The following C8orf34 variants were observed in gnomAD, a reference collection of about 807,000 sequenced individuals.
C8orf34 encodes chromosome 8 open reading frame 34, also known as uncharacterized protein C8orf34.
C8orf34 carries 65 observed loss-of-function variants against 68.3 expected under a neutral mutation model. The ratio of observed to expected loss-of-function variants is 0.95; its 90% CI spans 0.78 to 1.17. C8orf34 has a LOEUF of 1.17. Among genes scored for constraint, C8orf34 ranks in the 50% most tolerant of loss-of-function variants. The pLI is 0.00. For synonymous variants in C8orf34, 244 were observed against 241.2 expected, an observed-to-expected ratio of 1.01 and a Z score of -0.11; for missense variants, 664 against 655.4, an observed-to-expected ratio of 1.01 and a Z score of -0.14.
At chr8:68,679,410 A>G (rs1032139328) in intron 8 of C8orf34, among the ~76,000 whole-genome samples, 10 of 152,290 alleles carry the variant, frequency 6.6e-5, no homozygotes, top group African/African-American at 2.4e-4. Context: ...TAAAACACTG[A>G]TGAAAAAAAT....
At chr8:68,457,435 G>T (rs1811600181) in intron 3 of C8orf34, among the ~76,000 whole-genome samples, 1 of 152,136 alleles carries the variant, frequency 6.6e-6, no homozygotes, top group Non-Finnish European at 1.5e-5. Flanking sequence ...TACTTGGGGA[G>T]AACTTTCAGA....
intron 10 of C8orf34, among the ~76,000 whole-genome samples, chr8:68,755,937 G>T (rs1181352946): frequency 6.6e-6 from 1 of 151,944 alleles, no homozygotes; most frequent in South Asian, 2.1e-4. Context: ...CGTGATGGCG[G>T]GCGCCTGTAG....
chr8:68,710,552 C>T (rs572238507), intron 9 of C8orf34, among the ~76,000 whole-genome samples: 6 of 152,112 alleles, frequency 3.9e-5, no homozygotes, highest in Non-Finnish European at 8.8e-5. Flanking sequence ...GCAGAGGCAG[C>T]CATAATCTCC....
chr8:68,718,649 G>A (rs1400182444), intron 9 of C8orf34, among the ~76,000 whole-genome samples: 1 of 152,158 alleles, frequency 6.6e-6, no homozygotes, highest in African/African-American at 2.4e-5. Context: ...CTTGGCTCGG[G>A]AAGCGTAAAC....
chr8:68,601,629 T>C (rs545037455), intron 7 of C8orf34, among the ~76,000 whole-genome samples: 3 of 152,186 alleles, frequency 2.0e-5, no homozygotes, highest in Non-Finnish European at 4.4e-5. Context: ...CCTTTTCATT[T>C]GATTCAATTC....
intron 7 of C8orf34, among the ~76,000 whole-genome samples, chr8:68,619,187 A>G (rs376107557): frequency 7.9e-5 from 12 of 152,202 alleles, no homozygotes; most frequent in Non-Finnish European, 1.5e-4. Flanking sequence ...TTATCTGGGC[A>G]TGGTGGCATG....
At chr8:68,488,756 G>T (rs1813184514) in intron 5 of C8orf34, among the ~76,000 whole-genome samples, 1 of 152,076 alleles carries the variant, frequency 6.6e-6, no homozygotes, top group Admixed American at 6.6e-5. Flanking sequence ...ATTTTGAATT[G>T]CCTATTAAAC....
At chr8:68,668,400 A>ATATACTTATTT (rs1819906388) in intron 8 of C8orf34, among the ~76,000 whole-genome samples, 1 of 152,334 alleles carries the variant, frequency 6.6e-6, no homozygotes, top group African/African-American at 2.4e-5. Context: ...TTGCTCAAAA[A>ATATACTTATTT]AGCAGGACTG....
chr8:68,408,911 C>A (rs986245911), intron 1 of C8orf34, among the ~76,000 whole-genome samples: 1 of 152,070 alleles, frequency 6.6e-6, no homozygotes, highest in Non-Finnish European at 1.5e-5. Context: ...GCCTCAGTCT[C>A]CCCAGTAGCT....
At chr8:68,638,858 T>G (rs1032075276) in intron 7 of C8orf34, among the ~76,000 whole-genome samples, 3 of 152,108 alleles carry the variant, frequency 2.0e-5, no homozygotes, top group African/African-American at 7.2e-5. Context: ...TGAAATATGA[T>G]CCAGCAACAA....
chr8:68,488,884 C>A (rs142124671), intron 5 of C8orf34, among the ~76,000 whole-genome samples: 1 of 151,930 alleles, frequency 6.6e-6, no homozygotes, highest in Non-Finnish European at 1.5e-5. Context: ...CCCAAAGAGT[C>A]TTGATTTATA....
At chr8:68,566,573 C>G (rs960671393) in intron 7 of C8orf34, among the ~76,000 whole-genome samples, 1 of 152,328 alleles carries the variant, frequency 6.6e-6, no homozygotes, top group Admixed American at 6.5e-5. Flanking sequence ...CCAACCCCCG[C>G]TAGCTTTCAG....
intron 10 of C8orf34, among the ~76,000 whole-genome samples, chr8:68,742,710 G>A (rs1822339025): frequency 6.6e-6 from 1 of 151,996 alleles, no homozygotes; most frequent in African/African-American, 2.4e-5. Context: ...CCTGTCTTCT[G>A]CCCTTTCACC....
intron 12 of C8orf34, among the ~76,000 whole-genome samples, chr8:68,793,388 T>C (rs1824071142): frequency 6.6e-6 from 1 of 152,108 alleles, no homozygotes; most frequent in Non-Finnish European, 1.5e-5. Context: ...AGTAGAAAAA[T>C]AGTTGATTCC....
At chr8:68,557,193 G>A (rs1234759113) in intron 7 of C8orf34, among the ~76,000 whole-genome samples, 2 of 152,102 alleles carry the variant, frequency 1.3e-5, no homozygotes, top group Non-Finnish European at 1.5e-5. Context: ...GTTAGCTCCT[G>A]TGTTTTGTAA....
At chr8:68,569,998 C>T (rs1457048625) in intron 7 of C8orf34, among the ~76,000 whole-genome samples, 2 of 152,194 alleles carry the variant, frequency 1.3e-5, no homozygotes, top group African/African-American at 4.8e-5. Flanking sequence ...CAGCCTTCCC[C>T]AGACTGAGTC....
At chr8:68,451,517 T>A (rs114702244) in intron 3 of C8orf34, among the ~76,000 whole-genome samples, 5,901 of 152,158 alleles carry the variant, frequency 0.039, 141 homozygotes, top group Middle Eastern at 0.068. Flanking sequence ...GAGGCCATTG[T>A]ACGGTTTTAG....
intron 12 of C8orf34, among the ~76,000 whole-genome samples, chr8:68,801,512 T>C (rs1455034990): frequency 7.9e-5 from 12 of 152,204 alleles, no homozygotes; most frequent in Admixed American, 7.9e-4. Flanking sequence ...GATAAGGTAA[T>C]AAGTTTTCCT....
chr8:68,423,087 C>T (rs553911697), intron 1 of C8orf34, among the ~76,000 whole-genome samples: 25 of 152,262 alleles, frequency 1.6e-4, no homozygotes, highest in Non-Finnish European at 3.5e-4. Context: ...CTCTGACATG[C>T]GCAGAGATAT....
Sources: allele counts gnomAD v4.1 joint callset (sites outside exome capture counted in the v4.1 genomes callset), GRCh38; gene constraint gnomAD v4.1.1; transcripts MANE v1.5; gene names NCBI Gene and HGNC (gene_info 2026-07-23, HGNC 2026-07-21).